DHCR24: variants seen among roughly 807,000 people sequenced by gnomAD.
DHCR24 encodes the protein 24-dehydrocholesterol reductase, also known as delta(24)-sterol reductase.
Under a neutral mutation model 61.2 loss-of-function variants are expected in DHCR24, and 28 were observed. That is an observed-to-expected ratio of 0.46 (90% confidence interval 0.34 to 0.63). The LOEUF (loss-of-function observed/expected upper bound fraction) is 0.63, where lower values mean the gene tolerates loss of function less well. Among genes scored for constraint, DHCR24 ranks in the 20% least tolerant of loss-of-function variants. The pLI, the probability that DHCR24 is intolerant of heterozygous loss-of-function variation, is 0.01. For synonymous variants in DHCR24, 261 were observed against 275.9 expected (o/e 0.95, Z 0.54); for missense variants, 538 against 679.1 (o/e 0.79, Z 2.31).
intron 5 of DHCR24, among the ~76,000 whole-genome samples, chr1:54,867,502 T>C (rs1470690247): frequency 6.6e-6 from 1 of 151,874 alleles, no homozygotes; most frequent in Non-Finnish European, 1.5e-5. Context: ...CTCACAGTCT[T>C]CTCCTTGGGA....
chr1:54,865,031 G>A (rs920637905), intron 6 of DHCR24, among the ~76,000 whole-genome samples: 7 of 152,164 alleles, frequency 4.6e-5, no homozygotes, highest in Admixed American at 4.6e-4. Context: ...CTTCCTCAAG[G>A]GCGGAACAGG....
chr1:54,882,518 G>T (rs680922), intron 2 of DHCR24, among the ~76,000 whole-genome samples: 1 of 152,264 alleles, frequency 6.6e-6, no homozygotes, highest in Non-Finnish European at 1.5e-5. Context: ...AGGAAGGCAT[G>T]TGCCCATACA....
intron 5 of DHCR24, among the ~76,000 whole-genome samples, chr1:54,870,048 C>T (rs1269452363): frequency 4.1e-5 from 6 of 147,934 alleles, no homozygotes; most frequent in African/African-American, 1.5e-4. Context: ...AGTGAGACTC[C>T]ATCTCAAAAA....
intron 5 of DHCR24, among the ~76,000 whole-genome samples, chr1:54,869,870 A>G (rs541888321): frequency 6.6e-6 from 1 of 152,298 alleles, no homozygotes; most frequent in South Asian, 2.1e-4. Flanking sequence ...AGCCTAGCCA[A>G]CACGGTGAAC....
intron 4 of DHCR24, 101 bp downstream of exon 4, chr1:54,874,992 G>T: frequency 2.0e-6 from 2 of 990,708 alleles, no homozygotes; most frequent in Non-Finnish European, 3.3e-6. Context: ...GACTGAACAG[G>T]TACTGGGAAT....
chr1:54,886,969 A>G lies in DHCR24; in HGVS notation c.151T>C (p.Tyr51His), dbSNP rs758236795. The change falls in exon 1 of 9, where the codon TAC (tyrosine) becomes CAC (histidine). Residue 51 changes from tyrosine (Y) to histidine (H), a missense_variant. Coordinates refer to ENST00000371269, the MANE Select transcript of DHCR24 (RefSeq NM_014762.4). Reference protein sequence around the residue: ...PLSLIFDIYYYVRAWVVFKLS... With the variant: ...PLSLIFDIYYHVRAWVVFKLS... Reference sequence around the variant, plus strand: ...TTGAACACCACCCAGGCGCGCACGTAGTAGTAGATATCGAAGATAAGCGAG... The same window carrying G: ...TTGAACACCACCCAGGCGCGCACGTGGTAGTAGATATCGAAGATAAGCGAG... 2.5e-6 allele frequency: 4 copies of G among 1,613,654 alleles called. No individual in the cohort carries two copies. Among genetic ancestry groups the G allele is most frequent in the Non-Finnish European group, 3.4e-6 (4 of 1,179,686 alleles).
chr1:54,873,742 C>T (rs780404239), intron 4 of DHCR24, among the ~76,000 whole-genome samples: 3 of 152,204 alleles, frequency 2.0e-5, no homozygotes, highest in Non-Finnish European at 4.4e-5. Context: ...CTCTGCCTCC[C>T]AGGCTCAAGT....
intron 2 of DHCR24, among the ~76,000 whole-genome samples, chr1:54,880,778 A>G (rs1036960962): frequency 8.8e-6 from 1 of 114,110 alleles, no homozygotes; most frequent in African/African-American, 2.9e-5. Context: ...AAACAAAAAT[A>G]TAAACAAACA....
Position 54,856,123 on chromosome 1 carries a change from C to T in DHCR24, c.1021-1889G>A, listed in dbSNP as rs894848193. Among the ~76,000 whole-genome samples the T allele has an allele frequency of 5.1e-4, 78 of 152,194 alleles. 1 individual carries two copies. Among genetic ancestry groups the T allele is most frequent in the Non-Finnish European group, 1.5e-5 (1 of 68,038 alleles). ...TGTATCAATACAGAGGGCACTACTG[C>T]CTTCGGTTGTGGGTGTCTAATGTGT... On this transcript the variant is annotated intron_variant, in intron 6 of 8. Coordinates refer to ENST00000371269, the MANE Select transcript of DHCR24 (RefSeq NM_014762.4).
intron 1 of DHCR24, 88 bp downstream of exon 1, chr1:54,886,801 C>G: frequency 6.4e-7 from 1 of 1,552,824 alleles, no homozygotes; most frequent in Non-Finnish European, 8.7e-7. Flanking sequence ...CGCCCCCGCA[C>G]CGCAGCTCCC....
chr1:54,853,425 G>T lies in DHCR24; in HGVS notation c.1397+9C>A. The T allele has an allele frequency of 3.7e-6, 6 of 1,614,074 alleles. No homozygotes were observed. The highest frequency in any genetic ancestry group is 5.1e-6 in the Non-Finnish European group (6 of 1,179,978). On this transcript the variant is annotated intron_variant, in intron 8 of 8. Transcript: ENST00000371269. ...CTAGAGGCAACATACTATACTCTGGGCCACTCACCCATGCACGCTGCGGAC... is the reference window on the plus strand; with the variant it reads ...CTAGAGGCAACATACTATACTCTGGTCCACTCACCCATGCACGCTGCGGAC...
Position 54,853,335 on chromosome 1 carries a change from T to C in DHCR24, c.1397+99A>G, listed in dbSNP as rs631749. ...GGCCCTAAGGAACCAGTTGATAGGC[T>C]TGGGGCTCCTGGTTCTCCATAGAGC... On this transcript the variant is annotated intron_variant, in intron 8 of 8. Coordinates refer to ENST00000371269, the MANE Select transcript of DHCR24 (RefSeq NM_014762.4). 0.32 allele frequency: 485,510 copies of C among 1,497,230 alleles called. 84,148 individuals carry two copies. The highest frequency in any genetic ancestry group is 0.58 in the African/African-American group (42,232 of 72,690). 92.7% of individuals were successfully genotyped at this position (1,497,230 alleles called of 1,614,324 possible). A position where few individuals can be genotyped will look rare whatever the true frequency, so the allele number is the denominator to read the frequency against.
chr1:54,855,347 T>C (rs1172746728), intron 6 of DHCR24, among the ~76,000 whole-genome samples: 7 of 150,334 alleles, frequency 4.7e-5, no homozygotes, highest in African/African-American at 1.5e-4. Context: ...TGAGCCGAGA[T>C]TGTGCCACTG....
chr1:54,875,972 C>T lies in DHCR24; in HGVS notation c.463G>A (p.Val155Met), dbSNP rs138933459. Residue 155 changes from valine to methionine, a missense_variant, in exon 3 of 9, where the codon GTG becomes ATG. Val to Met is a conservative substitution (Grantham distance 21). Transcript: ENST00000371269. ...GTGAGGTCATCAAGCTCAGGCAACA[C>T]GGGGAGAGTCCAGCCAATGGAGGTC... ...LLTSIGWTLP[V>M]LPELDDLTVG... 1.4e-4 allele frequency: 227 copies of T among 1,613,880 alleles called. No homozygotes were observed. In the African/African-American group the frequency reaches 2.2e-3, roughly 16 times the overall value.
intron 5 of DHCR24, among the ~76,000 whole-genome samples, chr1:54,868,237 G>A (rs372379568): frequency 1.7e-3 from 263 of 152,324 alleles, no homozygotes; most frequent in South Asian, 4.1e-3. Flanking sequence ...TTGGGAGGCC[G>A]AGGTGGGTGG....
chr1:54,874,112 T>TA (rs1177240907), intron 4 of DHCR24, among the ~76,000 whole-genome samples: 2 of 152,260 alleles, frequency 1.3e-5, no homozygotes, highest in Admixed American at 6.5e-5. Context: ...CAAAAGTTTT[T>TA]AAAAAGTTTA....
In DHCR24 at chr1:54,886,974, T is replaced by A; in HGVS notation, c.146A>T (p.Tyr49Phe). Residue 49 changes from tyrosine (Y) to phenylalanine (F), a missense_variant, in exon 1 of 9, where the codon TAC becomes TTC. Coordinates refer to ENST00000371269, the MANE Select transcript of DHCR24 (RefSeq NM_014762.4). ...CACCACCCAGGCGCGCACGTAGTAG[T>A]AGATATCGAAGATAAGCGAGAGCGG... is the stretch of plus-strand genomic sequence containing the variant. ...LLPLSLIFDI[Y>F]YYVRAWVVFK... 1 of 1,613,628 alleles carries A rather than the reference T, an allele frequency of 6.2e-7. No homozygotes were observed. The highest frequency in any genetic ancestry group is 8.5e-7 in the Non-Finnish European group (1 of 1,179,710).
chr1:54,882,833 G>C (rs1019717606), intron 2 of DHCR24, among the ~76,000 whole-genome samples: 18 of 152,260 alleles, frequency 1.2e-4, no homozygotes, highest in African/African-American at 4.1e-4. Flanking sequence ...CTAAGGCTGT[G>C]GGGGGCGGGT....
Position 54,854,242 on chromosome 1 carries a change from A to G in DHCR24, c.1021-8T>C. ...GCCAAAGGGGATAATGTCCTGGAAA[A>G]CAAAGATTAGGGTTGGAGAGAAAAA... On this transcript the variant is annotated splice_region_variant and splice_polypyrimidine_tract_variant and intron_variant, in intron 6 of 8. Transcript: ENST00000371269. The G allele has an allele frequency of 6.2e-7, 1 of 1,611,396 alleles. No homozygotes were observed. The highest frequency in any genetic ancestry group is 2.2e-5 in the East Asian group (1 of 44,864).
Sources: allele counts gnomAD v4.1 joint callset (sites outside exome capture counted in the v4.1 genomes callset), GRCh38; gene constraint gnomAD v4.1.1; transcripts MANE v1.5; gene names NCBI Gene and HGNC (gene_info 2026-07-23, HGNC 2026-07-21).